Variants in GLS observed in about 807,000 individuals in gnomAD.
GLS encodes the protein glutaminase kidney isoform, mitochondrial.
GLS carries 36 observed loss-of-function variants against 86.7 expected under a neutral mutation model. That is an observed-to-expected ratio of 0.42 (90% confidence interval 0.32 to 0.55). The LOEUF (loss-of-function observed/expected upper bound fraction) is 0.55. Ranked by LOEUF, GLS falls within the 20% of genes least tolerant of loss-of-function variation. The pLI, the probability that GLS is intolerant of heterozygous loss-of-function variation, is 0.17. For synonymous variants in GLS, 317 were observed against 305.9 expected (o/e 1.04, Z -0.38); for missense variants, 528 against 833.4 (o/e 0.63, Z 4.51).
chr2:190,931,058 T>C lies in GLS; in HGVS notation c.1558-487T>C, dbSNP rs180945942. Among the ~76,000 whole-genome samples the C allele has an allele frequency of 3.0e-3, 457 of 152,330 alleles. 8 individuals carry two copies. The highest frequency in any genetic ancestry group is 0.029 in the Admixed American group (441 of 15,298). ...CTGTATTTTGTTGTTACCCAGTTCC[T>C]GCTAATGTTTGAGCTTCTAGTTTTA... is the stretch of plus-strand genomic sequence containing the variant. On this transcript the variant is annotated intron_variant, in intron 13 of 17. Coordinates refer to ENST00000320717, the MANE Select transcript of GLS (RefSeq NM_014905.5).
rs548042789 is a variant in GLS at position 190,951,313 on chromosome 2, A to G, written c.1651-2252A>G. On this transcript the variant is annotated intron_variant, in intron 14 of 17. Coordinates refer to ENST00000320717, the MANE Select transcript of GLS (RefSeq NM_014905.5). The surrounding 1 kb of genome is among the most constrained non-coding windows in gnomAD (Gnocchi z 4.2). ...GCTTTGGAGAGCGCTGTTTAGAGGT[A>G]ACAATGAGTGTGAAGGTAATTTTCA... 7.9e-5 allele frequency among the ~76,000 whole-genome samples: 12 copies of G among 152,284 alleles called. No individual in the cohort carries two copies. The highest frequency in any genetic ancestry group is 2.9e-4 in the African/African-American group (12 of 41,556).
At position 190,927,284 on chromosome 2, in the gene GLS, T is replaced by C. The variant is rs540808997; in HGVS notation, c.1249-22T>C. ...AGTAATATTAAAAGTAGTATGAGAATTCTGCTTTTTCTTTGTGTTAGCTGT... is the reference window on the plus strand; with the variant it reads ...AGTAATATTAAAAGTAGTATGAGAACTCTGCTTTTTCTTTGTGTTAGCTGT... On this transcript the variant is annotated intron_variant, in intron 11 of 17. Transcript: ENST00000320717. 47 of 1,570,328 alleles carry C rather than the reference T, an allele frequency of 3.0e-5. No homozygotes were observed. In the East Asian group the frequency reaches 9.8e-4, roughly 33 times the overall value.
Position 190,943,810 on chromosome 2 carries a change from G to GT in GLS, c.1651-9752dup, listed in dbSNP as rs1233768024. Among the ~76,000 whole-genome samples, 2 of 152,150 alleles carry GT rather than the reference G, an allele frequency of 1.3e-5. No homozygotes were observed. The highest frequency in any genetic ancestry group is 2.9e-5 in the Non-Finnish European group (2 of 68,004). On this transcript the variant is annotated intron_variant, in intron 14 of 17. Transcript: ENST00000320717. The surrounding 1 kb of genome is among the most constrained non-coding windows in gnomAD (Gnocchi z 4.5). ...GCTCCATAAAGCACACATGTTGAAC[G>GT]TTTCACAATAGAAATGTGAAATAAA...
intron 11 of GLS, 162 bp from the exon 12 acceptor site, chr2:190,927,137 AGGACTTC>A: frequency 1.8e-6 from 1 of 559,918 alleles, no homozygotes. Context: ...AAAAGTGGGT[AGGACTTC>A]GGTCAACTAA....
intron 17 of GLS, among the ~76,000 whole-genome samples, chr2:190,957,504 T>C (rs1379331179): frequency 6.6e-6 from 1 of 152,256 alleles, no homozygotes; most frequent in East Asian, 1.9e-4. Context: ...AAGGGAATGC[T>C]TCCAGTTTTT....
chr2:190,923,644 T>G (rs1389771137), intron 9 of GLS, among the ~76,000 whole-genome samples: 5 of 152,224 alleles, frequency 3.3e-5, no homozygotes, highest in Admixed American at 3.3e-4. Context: ...ATTTTAAAAT[T>G]AGCATTTTTG....
chr2:190,925,755 A>G (rs918708315), intron 11 of GLS, among the ~76,000 whole-genome samples: 1 of 152,216 alleles, frequency 6.6e-6, no homozygotes, highest in Non-Finnish European at 1.5e-5. Context: ...GAAAAACCGT[A>G]AATTGGGAAT....
chr2:190,942,684 C>T (rs561569940), intron 14 of GLS, among the ~76,000 whole-genome samples: 1 of 152,210 alleles, frequency 6.6e-6, no homozygotes, highest in South Asian at 2.1e-4. Flanking sequence ...GAAAAGCAAA[C>T]CTTGGGAGTA....
intron 1 of GLS, among the ~76,000 whole-genome samples, chr2:190,887,090 CCTGT>C (rs1183974333): frequency 6.6e-6 from 1 of 151,984 alleles, no homozygotes; most frequent in Non-Finnish European, 1.5e-5. Context: ...TTTATAGTTG[CCTGT>C]CTGTGCCTTT....
chr2:190,954,805 T>C lies in GLS; in HGVS notation c.1840T>C (p.Phe614Leu), dbSNP rs1376208653. 6.2e-7 allele frequency: 1 copy of C among 1,611,284 alleles called. No individual in the cohort carries two copies. The highest frequency in any genetic ancestry group is 1.1e-5 in the South Asian group (1 of 90,910). The change falls in exon 17 of 18, where the codon TTC (phenylalanine) becomes CTC (leucine). Residue 614 changes from phenylalanine (F) to leucine (L), a missense_variant. Physicochemically the swap from Phe to Leu is conservative, Grantham distance 22 (BLOSUM62 0). Coordinates refer to ENST00000320717, the MANE Select transcript of GLS (RefSeq NM_014905.5). The surrounding 1 kb of genome is among the most constrained non-coding windows in gnomAD (Gnocchi z 4.0). ...FLLEACKVNP[F>L]PKDRWNNTPM... is the part of the protein sequence containing the mutation. ...GCTGGAAGCCTGCAAAGTAAACCCT[T>C]TCCCCAAGGACAGGTGAGCACTTAT...
rs1308692361 is a variant in GLS at position 190,913,242 on chromosome 2, A to G, written c.1038+2921A>G. The stretch of plus-strand genomic sequence containing the variant: ...GGGGGAAGAGGCAGAGCAAATGTTC[A>G]AAAGGATTAGCAGATTGTGGAAAAA... On this transcript the variant is annotated intron_variant, in intron 7 of 17. Transcript: ENST00000320717. This position sits in a 1 kb window ranked among gnomAD's most constrained non-coding sequence, Gnocchi z 6.1. 24 of 1,303,300 alleles carry G rather than the reference A, an allele frequency of 1.8e-5. No individual in the cohort carries two copies. Among genetic ancestry groups the G allele is most frequent in the Non-Finnish European group, 2.3e-5 (23 of 988,480 alleles). The allele number at this position is 1,303,300 out of a possible 1,614,324, so 80.7% of individuals were successfully genotyped here. A position where few individuals can be genotyped will look rare whatever the true frequency, so the allele number is the denominator to read the frequency against.
chr2:190,964,970 T>C lies in GLS; in HGVS notation c.*1984T>C, dbSNP rs1691089875. 1 of 152,182 alleles carries C rather than the reference T, an allele frequency of 6.6e-6. No individual in the cohort carries two copies. The highest frequency in any genetic ancestry group is 6.5e-5 in the Admixed American group (1 of 15,272). The allele number at this position is 152,182 out of a possible 1,614,324, so 9.4% of individuals were successfully genotyped here. A position where few individuals can be genotyped will look rare whatever the true frequency, so the allele number is the denominator to read the frequency against. On this transcript the variant is annotated 3_prime_UTR_variant, in exon 18 of 18. Coordinates refer to ENST00000320717, the MANE Select transcript of GLS (RefSeq NM_014905.5). The surrounding 1 kb of genome is among the most constrained non-coding windows in gnomAD (Gnocchi z 5.2). ...TTCATCTTTTTTCAGATCAAAACCA[T>C]TCTGTAAAATCTTTGTTGTTTAATT...
At chr2:190,925,947 C>A (rs1462631452) in intron 11 of GLS, among the ~76,000 whole-genome samples, 1 of 151,900 alleles carries the variant, frequency 6.6e-6, no homozygotes, top group Non-Finnish European at 1.5e-5. Flanking sequence ...TTTTTTTTCC[C>A]CCTGGTCTGT....
intron 6 of GLS, among the ~76,000 whole-genome samples, chr2:190,909,886 A>G (rs538690017): frequency 1.3e-5 from 2 of 152,204 alleles, no homozygotes; most frequent in African/African-American, 4.8e-5. Flanking sequence ...TACAGAAAAT[A>G]AAACATTAGC....
chr2:190,911,170 G>A (rs1689346950), intron 7 of GLS, among the ~76,000 whole-genome samples: 1 of 151,642 alleles, frequency 6.6e-6, no homozygotes, highest in South Asian at 2.1e-4. Context: ...CCAAGTTAGA[G>A]GAAAGCATAA....
chr2:190,942,124 G>A (rs1466351468), intron 14 of GLS, among the ~76,000 whole-genome samples: 3 of 115,524 alleles, frequency 2.6e-5, no homozygotes, highest in African/African-American at 9.2e-5. Flanking sequence ...CTGTCTCCCA[G>A]GCTGGAGTGC....
In GLS at chr2:190,880,921, C is replaced by CAGCAGCAGCAGCAGCAGCAGCAG. The variant is rs1559309651; in HGVS notation, c.-164_-163insAGCAGCAGCAGCAGCAGCAGCAG. 2.7e-6 allele frequency: 2 copies of CAGCAGCAGCAGCAGCAGCAGCAG among 749,300 alleles called. No homozygotes were observed. The highest frequency in any genetic ancestry group is 3.1e-5 in the East Asian group (1 of 32,722). The allele number at this position is 749,300 out of a possible 1,614,324, so 46.4% of individuals were successfully genotyped here. A position where few individuals can be genotyped will look rare whatever the true frequency, so the allele number is the denominator to read the frequency against. The stretch of plus-strand genomic sequence containing the variant: ...AGCAGCAGCAGCAGCAGCAGCAGCA[C>CAGCAGCAGCAGCAGCAGCAGCAG]CCGCATCCGCTGCGGGAGTCCGAGC... On this transcript the variant is annotated 5_prime_UTR_variant, in exon 1 of 18. Coordinates refer to ENST00000320717, the MANE Select transcript of GLS (RefSeq NM_014905.5).
At chr2:190,893,530 G>A (rs540111564) in intron 1 of GLS, among the ~76,000 whole-genome samples, 8 of 152,302 alleles carry the variant, frequency 5.3e-5, no homozygotes, top group African/African-American at 1.7e-4. Context: ...ACTTAGCACA[G>A]TGTGTAGAAT....
At position 190,881,468 on chromosome 2, in the gene GLS, A is replaced by G; in HGVS notation, c.384A>G (p.Glu128=). 6.5e-7 allele frequency: 1 copy of G among 1,539,518 alleles called. No homozygotes were observed. Among genetic ancestry groups the G allele is most frequent in the Non-Finnish European group, 8.8e-7 (1 of 1,142,104 alleles). ...SEGKELVASG[E]NKIKQGLLPS... Reference sequence around the variant, plus strand: ...GCAAAGAGCTGGTGGCCTCAGGTGAAAAGTGAGTGTCTCCGCGAGGCGCAG... The same window carrying G: ...GCAAAGAGCTGGTGGCCTCAGGTGAGAAGTGAGTGTCTCCGCGAGGCGCAG... The change falls in exon 1 of 18, where the codon GAA becomes GAG. Residue 128 remains glutamate (E), a splice_region_variant and synonymous_variant. Coordinates refer to ENST00000320717, the MANE Select transcript of GLS (RefSeq NM_014905.5).
Sources: gnomAD v4.1 joint callset for allele counts (sites outside exome capture counted in the v4.1 genomes callset) on GRCh38, gnomAD v4.1.1 for gene constraint, Gnocchi (gnomAD v3.1) non-coding constraint, MANE v1.5 for transcripts, NCBI Gene and HGNC (gene_info 2026-07-23, HGNC 2026-07-21) for gene names.